The following RCOR1 variants were observed in gnomAD, a reference collection of about 807,000 sequenced individuals.
The protein encoded by RCOR1 is REST corepressor 1, also known as REST corepressor.
A neutral mutation model predicts 64.0 loss-of-function variants in RCOR1; 12 were observed. That is an observed-to-expected ratio of 0.19 (90% confidence interval 0.12 to 0.30). RCOR1 has a LOEUF of 0.30. Ranked by LOEUF, RCOR1 falls within the 10% of genes least tolerant of loss-of-function variation. RCOR1 has a pLI of 1.00. For synonymous variants in RCOR1, 279 were observed against 227.2 expected, an observed-to-expected ratio of 1.23 and a Z score of -2.05; for missense variants, 502 against 621.2, an observed-to-expected ratio of 0.81 and a Z score of 2.04.
intron 7 of RCOR1, among the ~76,000 whole-genome samples, chr14:102,713,422 A>G (rs1896001077): frequency 6.6e-6 from 1 of 151,996 alleles, no homozygotes. Context: ...AGCTGGGGCT[A>G]CAGGCGCCCG....
At chr14:102,664,051 G>T (rs975324647) in intron 2 of RCOR1, among the ~76,000 whole-genome samples, 2 of 152,112 alleles carry the variant, frequency 1.3e-5, no homozygotes, top group Non-Finnish European at 1.5e-5. Flanking sequence ...TCAGAAAAGG[G>T]ACATAGATTA....
chr14:102,648,115 G>A (rs1364011275), intron 2 of RCOR1, among the ~76,000 whole-genome samples: 1 of 151,904 alleles, frequency 6.6e-6, no homozygotes, highest in African/African-American at 2.4e-5. Flanking sequence ...GTCCTGTTCT[G>A]TCACCCAAGC....
rs1285230276 is a variant in RCOR1, at chr14:102,729,851, G to A, written c.*3345G>A. On this transcript the variant is annotated 3_prime_UTR_variant, in exon 12 of 12. Coordinates refer to ENST00000262241, the MANE Select transcript of RCOR1 (RefSeq NM_015156.4). ...GGAAAGATGGAGCCAACTCCAACGA[G>A]GGCCTCTTTTTCTCTCTTGTCTAGC... is the stretch of plus-strand genomic sequence containing the variant. The A allele has an allele frequency of 2.5e-6, 1 of 398,958 alleles. No individual in the cohort carries two copies. The highest frequency in any genetic ancestry group is 2.1e-5 in the African/African-American group (1 of 48,634). The allele number at this position is 398,958 out of a possible 1,614,324, so 24.7% of individuals were successfully genotyped here. A position where few individuals can be genotyped will look rare whatever the true frequency, so the allele number is the denominator to read the frequency against.
intron 2 of RCOR1, among the ~76,000 whole-genome samples, chr14:102,653,975 C>CTTTG (rs1332671139): frequency 1.3e-4 from 4 of 30,294 alleles, no homozygotes; most frequent in African/African-American, 8.6e-4. Flanking sequence ...TTCTTTCTTT[C>CTTTG]TTTCTTTCTT....
At chr14:102,595,533 A>C (rs1454974994) in intron 2 of RCOR1, among the ~76,000 whole-genome samples, 2 of 151,940 alleles carry the variant, frequency 1.3e-5, no homozygotes, top group African/African-American at 4.8e-5. Context: ...TTTGCTGCAT[A>C]GTCTTGCTGC....
chr14:102,653,920 C>CTTCCTTCT (rs1894646978), intron 2 of RCOR1, among the ~76,000 whole-genome samples: 3 of 98,876 alleles, frequency 3.0e-5, no homozygotes, highest in African/African-American at 7.5e-5. Context: ...CAGGTATTTC[C>CTTCCTTCT]TTCTTTCTTT....
intron 2 of RCOR1, among the ~76,000 whole-genome samples, chr14:102,676,667 TGGCTGGGCGGGG>T (rs1275795106): frequency 1.9e-5 from 2 of 103,154 alleles, no homozygotes; most frequent in African/African-American, 4.1e-5. Context: ...ACGGGGCGGC[TGGCTGGGCGGGG>T]GGCTGACCCC....
intron 2 of RCOR1, among the ~76,000 whole-genome samples, chr14:102,676,757 G>A (rs1405118876): frequency 3.0e-4 from 31 of 102,662 alleles, no homozygotes; most frequent in African/African-American, 1.1e-3. Context: ...CCTCCCGGAC[G>A]GGGCGGCTGG....
chr14:102,724,201 A>G lies in RCOR1; in HGVS notation c.1419+1785A>G, dbSNP rs572790961. 6.6e-5 allele frequency among the ~76,000 whole-genome samples: 10 copies of G among 152,216 alleles called. No individual in the cohort carries two copies. In the South Asian group the frequency reaches 2.1e-3, roughly 32 times the overall value. ...TGATCTTCCATGTCTCTATTTACCC[A>G]GCCTTCTCTGCAAAACAAAATGAAG... is the stretch of plus-strand genomic sequence containing the variant. On this transcript the variant is annotated intron_variant, in intron 11 of 11. Transcript: ENST00000262241.
intron 2 of RCOR1, among the ~76,000 whole-genome samples, chr14:102,651,552 C>CA (rs1157635431): frequency 0.041 from 4,674 of 114,536 alleles, 231 homozygotes; most frequent in African/African-American, 0.13. Flanking sequence ...GACTCCATCT[C>CA]AAAAAAAAAA....
At chr14:102,621,137 T>G (rs1196456911) in intron 2 of RCOR1, among the ~76,000 whole-genome samples, 1 of 152,106 alleles carries the variant, frequency 6.6e-6, no homozygotes, top group East Asian at 1.9e-4. Flanking sequence ...GCCCAGCTAG[T>G]TTTTTAGAAT....
chr14:102,665,124 G>A (rs1358351195), intron 2 of RCOR1, among the ~76,000 whole-genome samples: 1 of 152,012 alleles, frequency 6.6e-6, no homozygotes, highest in African/African-American at 2.4e-5. Flanking sequence ...TTCTGCCTCA[G>A]CCTCCCGAGT....
At chr14:102,623,326 A>C (rs914965690) in intron 2 of RCOR1, among the ~76,000 whole-genome samples, 16 of 151,820 alleles carry the variant, frequency 1.1e-4, no homozygotes, top group African/African-American at 3.9e-4. Flanking sequence ...TGCTATTTGG[A>C]AAAAATACTA....
At chr14:102,664,718 T>C (rs749424496) in intron 2 of RCOR1, among the ~76,000 whole-genome samples, 2 of 152,220 alleles carry the variant, frequency 1.3e-5, no homozygotes, top group African/African-American at 4.8e-5. Context: ...CTACCTAACC[T>C]ATGTTATGCA....
rs201777702 is a variant in RCOR1 at position 102,692,757 on chromosome 14, T to C, written c.446-8521T>C. Among the ~76,000 whole-genome samples the C allele has an allele frequency of 4.8e-3, 237 of 49,218 alleles. 1 individual carries two copies. The highest frequency in any genetic ancestry group is 0.012 in the African/African-American group (177 of 14,940). 32.3% of individuals were successfully genotyped at this position (49,218 alleles called of 152,430 possible). ...CCTTCCTTCCTTCCTTCCTTCCTTCTTTTTCTTTTTCTTTTTTTTTTTTTT... is the reference window on the plus strand; with the variant it reads ...CCTTCCTTCCTTCCTTCCTTCCTTCCTTTTCTTTTTCTTTTTTTTTTTTTT... On this transcript the variant is annotated intron_variant, in intron 3 of 11. Transcript: ENST00000262241.
intron 4 of RCOR1, among the ~76,000 whole-genome samples, chr14:102,702,046 A>G (rs1464181797): frequency 6.6e-6 from 1 of 152,216 alleles, no homozygotes; most frequent in African/African-American, 2.4e-5. Flanking sequence ...GTGTGGTGAT[A>G]CCTTATTTCA....
intron 3 of RCOR1, among the ~76,000 whole-genome samples, chr14:102,698,229 G>T (rs1895684902): frequency 6.6e-6 from 1 of 152,238 alleles, no homozygotes; most frequent in South Asian, 2.1e-4. Flanking sequence ...AAATGCTTGT[G>T]TGTGTCTTAA....
intron 2 of RCOR1, among the ~76,000 whole-genome samples, chr14:102,594,549 C>T (rs926350105): frequency 6.6e-6 from 1 of 152,044 alleles, no homozygotes; most frequent in Non-Finnish European, 1.5e-5. Flanking sequence ...AATTGGCCTT[C>T]TAAATTTTGA....
chr14:102,633,068 C>T (rs1894162443), intron 2 of RCOR1, among the ~76,000 whole-genome samples: 1 of 151,784 alleles, frequency 6.6e-6, no homozygotes, highest in African/African-American at 2.4e-5. Flanking sequence ...CTCAGCATCC[C>T]AAAAGTGCTG....
Sources: gnomAD v4.1 joint callset for allele counts (sites outside exome capture counted in the v4.1 genomes callset) on GRCh38, gnomAD v4.1.1 for gene constraint, MANE v1.5 for transcripts, NCBI Gene and HGNC (gene_info 2026-07-23, HGNC 2026-07-21) for gene names.